The following KCNA2 variants were observed in gnomAD, a reference collection of about 807,000 sequenced individuals.
KCNA2 encodes potassium channel, voltage gated shaker related subfamily A, member 2.
KCNA2 carries 11 observed loss-of-function variants against 33.4 expected under a neutral mutation model. The ratio of observed to expected loss-of-function variants is 0.33; its 90% confidence interval spans 0.21 to 0.55. KCNA2 has a LOEUF of 0.55. Ranked by LOEUF, KCNA2 falls within the 20% of genes least tolerant of loss-of-function variation. The pLI is 0.93. For missense variants in KCNA2, 291 were observed against 621.6 expected, an observed-to-expected ratio of 0.47 and a Z score of 5.66; for synonymous variants, 222 against 231.3, an observed-to-expected ratio of 0.96 and a Z score of 0.37.
intron 1 of KCNA2, among the ~76,000 whole-genome samples, chr1:110,614,156 C>T (rs545901084): frequency 6.6e-5 from 10 of 152,286 alleles, no homozygotes; most frequent in African/African-American, 1.7e-4. Context: ...AAAACAGTGG[C>T]GAGGAGCTCC....
Position 110,598,184 on chromosome 1 carries a change from T to C in KCNA2, c.*5099A>G, listed in dbSNP as rs1053450222. The stretch of plus-strand genomic sequence containing the variant: ...TCCATTGTGCAACCAAGGAGCACCA[T>C]GGATATTATAGCCCTCGCAGATGAG... On this transcript the variant is annotated 3_prime_UTR_variant, in exon 3 of 3. Transcript: ENST00000316361. 3 of 602,666 alleles carry C rather than the reference T, an allele frequency of 5.0e-6. No homozygotes were observed. Among genetic ancestry groups the C allele is most frequent in the Non-Finnish European group, 6.2e-6 (3 of 480,590 alleles). 37.3% of individuals were successfully genotyped at this position (602,666 alleles called of 1,614,324 possible).
At chr1:110,617,752 C>T (rs1413817109) in intron 1 of KCNA2, among the ~76,000 whole-genome samples, 2 of 152,094 alleles carry the variant, frequency 1.3e-5, no homozygotes, top group Non-Finnish European at 2.9e-5. Context: ...GGAGGGGCCG[C>T]CACAGGGCTT....
At chr1:110,622,923 A>T (rs1210420842) in intron 1 of KCNA2, among the ~76,000 whole-genome samples, 2 of 152,220 alleles carry the variant, frequency 1.3e-5, no homozygotes, top group Non-Finnish European at 2.9e-5. Flanking sequence ...CCACATATTC[A>T]ATAGAATCTC....
chr1:110,626,966 C>A (rs1223405381), intron 1 of KCNA2, among the ~76,000 whole-genome samples: 3 of 152,182 alleles, frequency 2.0e-5, no homozygotes, highest in African/African-American at 7.2e-5. Flanking sequence ...GATGATGATA[C>A]CTCTGTTTAC....
chr1:110,625,535 A>G (rs1012121884), intron 1 of KCNA2, among the ~76,000 whole-genome samples: 5 of 152,266 alleles, frequency 3.3e-5, no homozygotes, highest in South Asian at 2.1e-4. Context: ...TTTTATAATC[A>G]TAAAGAATAT....
Position 110,602,568 on chromosome 1 carries a change from G to C in KCNA2, c.*715C>G. Reference sequence around the variant, plus strand: ...GAAATCAGAGGCTTAGAGGTCTGTTGGTTTGTTAGCTTCTCCCCATAGGCC... The same window carrying C: ...GAAATCAGAGGCTTAGAGGTCTGTTCGTTTGTTAGCTTCTCCCCATAGGCC... On this transcript the variant is annotated 3_prime_UTR_variant, in exon 3 of 3. Transcript: ENST00000316361. 9.7e-7 allele frequency: 1 copy of C among 1,032,072 alleles called. No individual in the cohort carries two copies. The highest frequency in any genetic ancestry group is 1.2e-6 in the Non-Finnish European group (1 of 859,654). 63.9% of individuals were successfully genotyped at this position (1,032,072 alleles called of 1,614,324 possible). A position where few individuals can be genotyped will look rare whatever the true frequency, so the allele number is the denominator to read the frequency against.
chr1:110,611,553 C>G (rs1649873273), intron 1 of KCNA2, among the ~76,000 whole-genome samples: 1 of 152,050 alleles, frequency 6.6e-6, no homozygotes, highest in Non-Finnish European at 1.5e-5. Flanking sequence ...ACATAAGGCT[C>G]CACCTCTAAA....
At chr1:110,627,595 T>G (rs1049076859) in intron 1 of KCNA2, among the ~76,000 whole-genome samples, 1 of 152,186 alleles carries the variant, frequency 6.6e-6, no homozygotes, top group Admixed American at 6.5e-5. Flanking sequence ...GCTCCCTCAT[T>G]GGACCCAGCA....
rs67332071 is a variant in KCNA2 at position 110,594,276 on chromosome 1, C to CCT, written c.*9005_*9006dup. On this transcript the variant is annotated 3_prime_UTR_variant, in exon 3 of 3. Coordinates refer to ENST00000316361, the MANE Select transcript of KCNA2 (RefSeq NM_004974.4). Reference sequence around the variant, plus strand: ...GAGCCTAAGTGAGTGGCGGCCATTTCCTCTCTCTCTCTCTCTCTATATATA... The same window carrying CCT: ...GAGCCTAAGTGAGTGGCGGCCATTTCCTCTCTCTCTCTCTCTCTCTATATATA... 53,660 of 823,108 alleles carry CCT rather than the reference C, an allele frequency of 0.065. 1,018 individuals are homozygous for CCT. The highest frequency in any genetic ancestry group is 0.18 in the East Asian group (1,420 of 7,684). The allele number at this position is 823,108 out of a possible 1,614,324, so 51.0% of individuals were successfully genotyped here.
At position 110,598,281 on chromosome 1, in the gene KCNA2, C is replaced by T; in HGVS notation, c.*5002G>A. ...AAGCTCTGGGGAGCAGAGCTCAGCA[C>T]CATCATCCCCTCTCTTGAGTAAACA... On this transcript the variant is annotated 3_prime_UTR_variant, in exon 3 of 3. Transcript: ENST00000316361. 1.3e-6 allele frequency: 1 copy of T among 744,270 alleles called. No individual in the cohort carries two copies. Among genetic ancestry groups the T allele is most frequent in the Non-Finnish European group, 1.6e-6 (1 of 609,892 alleles). 46.1% of individuals were successfully genotyped at this position (744,270 alleles called of 1,614,324 possible).
At position 110,594,055 on chromosome 1, in the gene KCNA2, C is replaced by A; in HGVS notation, c.*9228G>T. ...TCTTATCACCATGGAGACCCCAGTTCCCTTTCGGCATCATCCTTACGAAGC... is the reference window on the plus strand; with the variant it reads ...TCTTATCACCATGGAGACCCCAGTTACCTTTCGGCATCATCCTTACGAAGC... On this transcript the variant is annotated 3_prime_UTR_variant, in exon 3 of 3. Coordinates refer to ENST00000316361, the MANE Select transcript of KCNA2 (RefSeq NM_004974.4). 1.3e-6 allele frequency: 2 copies of A among 1,484,278 alleles called. No individual in the cohort carries two copies. Among genetic ancestry groups the A allele is most frequent in the South Asian group, 2.8e-5 (2 of 71,930 alleles). 91.9% of individuals were successfully genotyped at this position (1,484,278 alleles called of 1,614,324 possible). A position where few individuals can be genotyped will look rare whatever the true frequency, so the allele number is the denominator to read the frequency against.
rs1169892711 is a variant in KCNA2, at chr1:110,629,190, TTTAGTGGCTG to T, written c.-496+2195_-496+2204del. Among the ~76,000 whole-genome samples, 8 of 152,184 alleles carry T rather than the reference TTTAGTGGCTG, an allele frequency of 5.3e-5. No individual in the cohort carries two copies. The South Asian group carries it at 6.3e-4, about 12-fold the overall frequency. On this transcript the variant is annotated intron_variant, in intron 1 of 4. Coordinates refer to the KCNA2 transcript ENST00000369770. ...GAATGTCTTGGGGTGAGAGCCTGAG[TTTAGTGGCTG>T]TTAGTGATCCCCAATTACCACCAAA...
At chr1:110,613,314 A>T (rs1236453502) in intron 1 of KCNA2, among the ~76,000 whole-genome samples, 1 of 152,216 alleles carries the variant, frequency 6.6e-6, no homozygotes, top group Non-Finnish European at 1.5e-5. Context: ...GCCTGTGTCC[A>T]TCTGCACGCA....
chr1:110,622,088 C>G (rs944701283), intron 1 of KCNA2, among the ~76,000 whole-genome samples: 2 of 151,930 alleles, frequency 1.3e-5, no homozygotes, highest in Non-Finnish European at 2.9e-5. Context: ...TGAACATAGA[C>G]GTACAAACCG....
chr1:110,593,913 T>C lies in KCNA2; in HGVS notation c.*9370A>G. On this transcript the variant is annotated 3_prime_UTR_variant, in exon 3 of 3. Coordinates refer to ENST00000316361, the MANE Select transcript of KCNA2 (RefSeq NM_004974.4). The stretch of plus-strand genomic sequence containing the variant: ...TAATATCAATACATCCTGTGCAATG[T>C]AGTTACAGCTGGTGTCTAAATTTTC... 1 of 1,550,138 alleles carries C rather than the reference T, an allele frequency of 6.5e-7. No homozygotes were observed. Among genetic ancestry groups the C allele is most frequent in the Non-Finnish European group, 8.7e-7 (1 of 1,146,824 alleles).
rs1259437675 is a variant in KCNA2, at chr1:110,601,916, T to C, written c.*1367A>G. On this transcript the variant is annotated 3_prime_UTR_variant, in exon 3 of 3. Coordinates refer to ENST00000316361, the MANE Select transcript of KCNA2 (RefSeq NM_004974.4). ...CATAAATTGCCCTTTGTCAAAAATA[T>C]TGCATAAGCTTGTACAATGTTCAAA... 4.1e-6 allele frequency: 6 copies of C among 1,462,378 alleles called. No homozygotes were observed. The highest frequency in any genetic ancestry group is 2.3e-4 in the Middle Eastern group (1 of 4,256). 90.6% of individuals were successfully genotyped at this position (1,462,378 alleles called of 1,614,324 possible).
At chr1:110,623,368 CAG>C (rs1650308112) in intron 1 of KCNA2, among the ~76,000 whole-genome samples, 1 of 152,080 alleles carries the variant, frequency 6.6e-6, no homozygotes, top group South Asian at 2.1e-4. Context: ...CTAGAAAAAA[CAG>C]AAAATGTTTT....
In KCNA2 at chr1:110,600,759, C is replaced by T. The variant is rs988945405; in HGVS notation, c.*2524G>A. The T allele has an allele frequency of 4.1e-6, 4 of 985,284 alleles. No homozygotes were observed. Among genetic ancestry groups the T allele is most frequent in the South Asian group, 4.7e-5 (1 of 21,286 alleles). 61.0% of individuals were successfully genotyped at this position (985,284 alleles called of 1,614,324 possible). ...TGCCTTGGAAATTCAGCACCACCTC[C>T]CATGAAGGAGAGGAAGAGAAGCACA... is the stretch of plus-strand genomic sequence containing the variant. On this transcript the variant is annotated 3_prime_UTR_variant, in exon 3 of 3. Coordinates refer to ENST00000316361, the MANE Select transcript of KCNA2 (RefSeq NM_004974.4).
At chr1:110,626,229 T>C (rs2101469109) in intron 1 of KCNA2, among the ~76,000 whole-genome samples, 1 of 152,266 alleles carries the variant, frequency 6.6e-6, no homozygotes, top group South Asian at 2.1e-4. Flanking sequence ...ACTGGTAAAA[T>C]AAACTGTGTT....
Sources: allele counts gnomAD v4.1 joint callset (sites outside exome capture counted in the v4.1 genomes callset), GRCh38; gene constraint gnomAD v4.1.1; transcripts MANE v1.5; gene names NCBI Gene and HGNC (gene_info 2026-07-23, HGNC 2026-07-21).